Variants in STPG2 observed in about 807,000 individuals in gnomAD.
STPG2 encodes the protein sperm tail PG-rich repeat containing 2, also known as sperm-tail PG-rich repeat-containing protein 2.
Under a neutral mutation model 54.2 loss-of-function variants are expected in STPG2, and 56 were observed. The ratio of observed to expected loss-of-function variants is 1.03; its 90% CI spans 0.83 to 1.29. The LOEUF (loss-of-function observed/expected upper bound fraction) is 1.29. Among genes scored for constraint, STPG2 ranks in the 50% most tolerant of loss-of-function variants. The pLI, the probability that STPG2 is intolerant of heterozygous loss-of-function variation, is 0.00. For synonymous variants in STPG2, 200 were observed against 181.8 expected, an observed-to-expected ratio of 1.10 and a Z score of -0.81; for missense variants, 596 against 544.9, an observed-to-expected ratio of 1.09 and a Z score of -0.93.
At chr4:97,793,034 A>G (rs757056973) in intron 9 of STPG2, among the ~76,000 whole-genome samples, 35 of 151,948 alleles carry the variant, frequency 2.3e-4, no homozygotes, top group Non-Finnish European at 4.1e-4. Context: ...GTCACCTGTA[A>G]TCCCAGCTGC....
intron 5 of STPG2, among the ~76,000 whole-genome samples, chr4:98,003,660 C>T (rs866991303): frequency 6.6e-6 from 1 of 151,968 alleles, no homozygotes; most frequent in Non-Finnish European, 1.5e-5. Flanking sequence ...CTCATATGAT[C>T]GTGTGTTTTC....
At chr4:97,922,194 T>A (rs901616077) in intron 8 of STPG2, among the ~76,000 whole-genome samples, 17 of 152,188 alleles carry the variant, frequency 1.1e-4, no homozygotes, top group African/African-American at 4.1e-4. Context: ...TGGTGATGAA[T>A]ATGTTAATTA....
intron 5 of STPG2, among the ~76,000 whole-genome samples, chr4:97,995,788 C>T (rs1944992682): frequency 6.6e-6 from 1 of 152,158 alleles, no homozygotes; most frequent in Non-Finnish European, 1.5e-5. Flanking sequence ...ACCCACCAGA[C>T]ATGGTTTTGC....
intron 8 of STPG2, among the ~76,000 whole-genome samples, chr4:97,942,921 G>A (rs1298720594): frequency 6.6e-6 from 1 of 152,114 alleles, no homozygotes; most frequent in African/African-American, 2.4e-5. Context: ...ATAACACCTT[G>A]TTCACAAAAG....
At chr4:97,685,811 A>G (rs1723170997) in intron 10 of STPG2, among the ~76,000 whole-genome samples, 1 of 152,236 alleles carries the variant, frequency 6.6e-6, no homozygotes, top group Non-Finnish European at 1.5e-5. Context: ...CTGTGCTTTC[A>G]GCAAAATATT....
intron 5 of STPG2, among the ~76,000 whole-genome samples, chr4:98,074,302 A>G (rs1486310248): frequency 6.6e-6 from 1 of 152,178 alleles, no homozygotes; most frequent in Non-Finnish European, 1.5e-5. Flanking sequence ...TCTAGAGGTT[A>G]TATTTGCTCC....
intron 4 of STPG2, among the ~76,000 whole-genome samples, chr4:97,548,708 C>T (rs539573375): frequency 1.4e-3 from 209 of 151,922 alleles, no homozygotes; most frequent in Non-Finnish European, 1.8e-3. Context: ...GCAAAGGAAA[C>T]TGATTTATGT....
At chr4:98,142,896 T>C in intron 1 of STPG2, 146 bp downstream of exon 1, 2 of 724,858 alleles carry the variant, frequency 2.8e-6, no homozygotes, top group Non-Finnish European at 5.0e-6. Flanking sequence ...AATAAAAGTA[T>C]AGTGTTTTCC....
chr4:97,967,764 G>A (rs1196208698), intron 7 of STPG2, among the ~76,000 whole-genome samples: 1 of 152,136 alleles, frequency 6.6e-6, no homozygotes, highest in African/African-American at 2.4e-5. Flanking sequence ...TGACTACTGG[G>A]TACATAACAA....
At chr4:98,089,813 AT>A (rs1738632469) in intron 5 of STPG2, among the ~76,000 whole-genome samples, 1 of 150,870 alleles carries the variant, frequency 6.6e-6, no homozygotes, top group South Asian at 2.1e-4. Flanking sequence ...AGCGATGTAC[AT>A]TTTTTCATGT....
At chr4:98,117,711 T>G (rs1200594722) in intron 3 of STPG2, among the ~76,000 whole-genome samples, 1 of 152,062 alleles carries the variant, frequency 6.6e-6, no homozygotes, top group Non-Finnish European at 1.5e-5. Context: ...TCTTTTGGGC[T>G]CCTCTAGAAA....
At chr4:97,636,881 A>G (rs989338055) in intron 10 of STPG2, among the ~76,000 whole-genome samples, 9 of 151,732 alleles carry the variant, frequency 5.9e-5, no homozygotes, top group African/African-American at 1.9e-4. Flanking sequence ...GTCCAGGACC[A>G]GATGGATTCA....
chr4:97,957,563 G>C (rs7659420), intron 7 of STPG2, among the ~76,000 whole-genome samples: 60,284 of 151,788 alleles, frequency 0.4, 12,113 homozygotes, highest in Middle Eastern at 0.46. Context: ...ACAAGAAGCT[G>C]AAAAAACACC....
At chr4:97,659,379 T>C (rs1722308740) in intron 10 of STPG2, among the ~76,000 whole-genome samples, 1 of 152,180 alleles carries the variant, frequency 6.6e-6, no homozygotes, top group South Asian at 2.1e-4. Flanking sequence ...AATTACAGCT[T>C]AATTCAGGAG....
intron 5 of STPG2, among the ~76,000 whole-genome samples, chr4:97,999,300 G>C (rs1392774356): frequency 3.3e-5 from 5 of 152,204 alleles, no homozygotes; most frequent in African/African-American, 7.2e-5. Context: ...TTGGTTTCTA[G>C]CACAATCCTA....
chr4:97,444,664 G>T (rs1729173546), intron 4 of STPG2, among the ~76,000 whole-genome samples: 1 of 152,094 alleles, frequency 6.6e-6, no homozygotes, highest in Non-Finnish European at 1.5e-5. Flanking sequence ...ATAATCTAAG[G>T]AGAAGCACAG....
At chr4:97,555,176 C>A (rs1032537486), downstream of STPG2, among the ~76,000 whole-genome samples, 1 of 152,154 alleles carries the variant, frequency 6.6e-6, no homozygotes, top group African/African-American at 2.4e-5. Context: ...TTCCCCCATA[C>A]CCTTCTTTCT....
chr4:97,946,521 G>A (rs1015611898), intron 7 of STPG2, among the ~76,000 whole-genome samples: 1 of 152,000 alleles, frequency 6.6e-6, no homozygotes, highest in African/African-American at 2.4e-5. Context: ...AATTTTTATG[G>A]TTTCAGGTAT....
chr4:97,967,534 C>A (rs1049667003), intron 7 of STPG2, among the ~76,000 whole-genome samples: 5 of 152,128 alleles, frequency 3.3e-5, no homozygotes, highest in African/African-American at 4.8e-5. Flanking sequence ...GAACTCTCCA[C>A]CCCAAATCAA....
Sources: gnomAD v4.1 joint callset for allele counts (sites outside exome capture counted in the v4.1 genomes callset) on GRCh38, gnomAD v4.1.1 for gene constraint, MANE v1.5 for transcripts, NCBI Gene and HGNC (gene_info 2026-07-23, HGNC 2026-07-21) for gene names.